Variants in NAV3 observed in about 807,000 individuals in gnomAD.
The protein encoded by NAV3 is neuron navigator 3.
NAV3 carries 87 observed loss-of-function variants against 244.7 expected under a neutral mutation model. That is an observed-to-expected ratio of 0.36 (90% confidence interval 0.30 to 0.42). The LOEUF (loss-of-function observed/expected upper bound fraction) is 0.42, where lower values mean the gene tolerates loss of function less well. Ranked by LOEUF, NAV3 falls within the 20% of genes least tolerant of loss-of-function variation. The pLI, the probability that NAV3 is intolerant of heterozygous loss-of-function variation, is 1.00. For synonymous variants in NAV3, 1,126 were observed against 1,042.2 expected (o/e 1.08, Z -1.55); for missense variants, 2,663 against 2,893.3 (o/e 0.92, Z 1.83).
At chr12:77,747,300 C>T (rs1432749795) in intron 2 of NAV3, among the ~76,000 whole-genome samples, 3 of 151,972 alleles carry the variant, frequency 2.0e-5, no homozygotes, top group African/African-American at 7.3e-5. Flanking sequence ...TTTCACTGAC[C>T]ATCAGAGAAA....
chr12:77,594,520 TC>T (rs1370533076), intron 2 of NAV3, among the ~76,000 whole-genome samples: 1 of 152,180 alleles, frequency 6.6e-6, no homozygotes, highest in African/African-American at 2.4e-5. Context: ...GAAGGAATGT[TC>T]CCCAACTGGA....
At chr12:78,192,885 G>C (rs1340794018) in intron 34 of NAV3, among the ~76,000 whole-genome samples, 1 of 152,092 alleles carries the variant, frequency 6.6e-6, no homozygotes, top group East Asian at 1.9e-4. Context: ...TTGCCAAATT[G>C]ACAGAGAATA....
chr12:77,875,833 T>G lies in NAV3; in HGVS notation c.243+44129T>G, dbSNP rs186033509. On this transcript the variant is annotated intron_variant, in intron 1 of 39. Coordinates refer to ENST00000397909, the MANE Select transcript of NAV3 (RefSeq NM_001024383.2). ...TGTAATTAATAAGTAGTCTATACTTTCTATTCATGTGTTCATCTATCAATA... is the reference window on the plus strand; with the variant it reads ...TGTAATTAATAAGTAGTCTATACTTGCTATTCATGTGTTCATCTATCAATA... Among the ~76,000 whole-genome samples the G allele has an allele frequency of 7.2e-5, 11 of 152,210 alleles. No homozygotes were observed. The East Asian group carries it at 2.1e-3, about 29-fold the overall frequency.
chr12:77,917,602 C>T (rs944929285), intron 1 of NAV3, among the ~76,000 whole-genome samples: 2 of 151,818 alleles, frequency 1.3e-5, no homozygotes, highest in Admixed American at 6.6e-5. Flanking sequence ...GCCTGTTTGC[C>T]CTCCTTGCAT....
At chr12:77,827,020 G>A (rs1194656747), upstream of NAV3, among the ~76,000 whole-genome samples, 2 of 152,130 alleles carry the variant, frequency 1.3e-5, no homozygotes, top group Non-Finnish European at 2.9e-5. Flanking sequence ...TCAGGAGTTC[G>A]AGACCAGTCT....
intron 1 of NAV3, among the ~76,000 whole-genome samples, chr12:77,879,786 T>C (rs1882392930): frequency 6.6e-6 from 1 of 151,598 alleles, no homozygotes; most frequent in African/African-American, 2.4e-5. Flanking sequence ...CAAATTAATC[T>C]ATTTTAATGT....
At chr12:78,202,011 A>T (rs1402104400) in intron 38 of NAV3, among the ~76,000 whole-genome samples, 1 of 151,966 alleles carries the variant, frequency 6.6e-6, no homozygotes, top group Non-Finnish European at 1.5e-5. Flanking sequence ...TAAAGCTAAG[A>T]TCCTAAATAA....
At chr12:77,923,590 T>C (rs1360568938) in intron 1 of NAV3, among the ~76,000 whole-genome samples, 2 of 152,146 alleles carry the variant, frequency 1.3e-5, no homozygotes, top group African/African-American at 4.8e-5. Flanking sequence ...CAAATGAGTA[T>C]AACAAACAAA....
intron 9 of NAV3, among the ~76,000 whole-genome samples, chr12:78,046,381 T>G (rs933481698): frequency 6.6e-6 from 1 of 152,226 alleles, no homozygotes. Context: ...GCTATGAATT[T>G]CCCTCTAAAC....
intron 12 of NAV3, among the ~76,000 whole-genome samples, chr12:78,089,938 C>T (rs375278476): frequency 9.9e-4 from 151 of 152,238 alleles, no homozygotes; most frequent in African/African-American, 3.2e-3. Flanking sequence ...CTCAGAATTA[C>T]GTACCTCTCA....
chr12:78,042,313 A>G (rs1233420375), intron 9 of NAV3, among the ~76,000 whole-genome samples: 1 of 152,182 alleles, frequency 6.6e-6, no homozygotes, highest in Non-Finnish European at 1.5e-5. Flanking sequence ...ATACTTGCAG[A>G]GCTATTTGTT....
intron 2 of NAV3, among the ~76,000 whole-genome samples, chr12:77,611,408 C>A (rs118038398): frequency 3.2e-4 from 48 of 151,630 alleles, no homozygotes; most frequent in Non-Finnish European, 5.4e-4. Context: ...TGAGGACAGG[C>A]GAAATATTGA....
intron 12 of NAV3, among the ~76,000 whole-genome samples, chr12:78,072,328 A>G (rs1952814876): frequency 7.2e-6 from 1 of 138,304 alleles, no homozygotes; most frequent in Non-Finnish European, 1.6e-5. Context: ...AATCAAATAG[A>G]CACAATAAAA....
At chr12:78,208,864 A>C (rs1158396172) in intron 39 of NAV3, among the ~76,000 whole-genome samples, 3 of 152,142 alleles carry the variant, frequency 2.0e-5, no homozygotes, top group Non-Finnish European at 4.4e-5. Flanking sequence ...GTTTCACCCA[A>C]ATGCTTGAAC....
intron 12 of NAV3, among the ~76,000 whole-genome samples, chr12:78,085,874 T>A (rs1294981742): frequency 6.6e-6 from 1 of 152,076 alleles, no homozygotes; most frequent in Non-Finnish European, 1.5e-5. Context: ...ATCTTGATAA[T>A]AATGCCAATT....
At position 77,806,426 on chromosome 12, in the gene NAV3, C is replaced by T. The variant is rs540280310; in HGVS notation, c.73-133893C>T. Among the ~76,000 whole-genome samples, 11 of 152,222 alleles carry T rather than the reference C, an allele frequency of 7.2e-5. No individual in the cohort carries two copies. In the South Asian group the frequency reaches 2.1e-3, roughly 29 times the overall value. On this transcript the variant is annotated intron_variant, in intron 2 of 8. Coordinates refer to the NAV3 transcript ENST00000550042. The stretch of plus-strand genomic sequence containing the variant: ...TTCTGCCTTCATTTTGTTATTTACC[C>T]AGTAGTCATTCAGGAGCAGGTTGTT...
intron 39 of NAV3, among the ~76,000 whole-genome samples, chr12:78,205,674 A>C (rs1960222723): frequency 6.6e-6 from 1 of 152,074 alleles, no homozygotes; most frequent in Non-Finnish European, 1.5e-5. Flanking sequence ...TTGAAATAAA[A>C]GTCTGTAAAA....
At chr12:78,123,630 C>T (rs300447) in intron 16 of NAV3, among the ~76,000 whole-genome samples, 106,654 of 152,050 alleles carry the variant, frequency 0.7, 37,736 homozygotes, top group African/African-American at 0.76. Flanking sequence ...AATGGGGCTT[C>T]CCGATGATAA....
At chr12:78,007,934 T>C (rs1328392852) in intron 8 of NAV3, among the ~76,000 whole-genome samples, 2 of 152,200 alleles carry the variant, frequency 1.3e-5, no homozygotes, top group Non-Finnish European at 2.9e-5. Context: ...TTTTCAGCTA[T>C]AAGACATTGG....
Sources: allele counts gnomAD v4.1 joint callset (sites outside exome capture counted in the v4.1 genomes callset), GRCh38; gene constraint gnomAD v4.1.1; transcripts MANE v1.5; gene names NCBI Gene and HGNC (gene_info 2026-07-23, HGNC 2026-07-21).